MYOCD: variants seen among roughly 807,000 people sequenced by gnomAD.
MYOCD encodes myocardin.
In MYOCD, 32 loss-of-function variants were observed where a neutral mutation model predicts 96.1. The observed-to-expected ratio is 0.33, with a 90% CI of 0.25 to 0.45. The LOEUF is 0.45. Ranked by LOEUF, MYOCD falls within the 20% of genes least tolerant of loss-of-function variation. The pLI is 1.00. For missense variants in MYOCD, 1,133 were observed against 1,200.6 expected (o/e 0.94, Z 0.83); for synonymous variants, 469 against 469.0 (o/e 1.00, Z 0.00).
chr17:12,718,463 C>T (rs1237668597), intron 4 of MYOCD, among the ~76,000 whole-genome samples: 1 of 152,176 alleles, frequency 6.6e-6, no homozygotes, highest in African/African-American at 2.4e-5. Flanking sequence ...GGATTTCCTT[C>T]CAAGACTGAA....
At position 12,739,320 on chromosome 17, in the gene MYOCD, G is replaced by A. The variant is rs2032438985; in HGVS notation, c.709G>A (p.Ala237Thr). The A allele has an allele frequency of 6.3e-7, 1 of 1,596,466 alleles. No individual in the cohort carries two copies. The highest frequency in any genetic ancestry group is 1.8e-5 in the Admixed American group (1 of 55,848). Residue 237 changes from alanine (A) to threonine (T), a missense_variant, in exon 7 of 14, where the codon GCT (alanine) becomes ACT (threonine). Coordinates refer to ENST00000425538, the MANE Select transcript of MYOCD (RefSeq NM_001146312.3). The stretch of plus-strand genomic sequence containing the variant: ...CAGCACCCCCATAGCCGTGCATGCT[G>A]CTGTAAAGGTACGGACACATCAGCC... ...PPSTPIAVHA[A>T]VKSKSLGDSK...
chr17:12,677,106 A>G (rs561825713), intron 1 of MYOCD, among the ~76,000 whole-genome samples: 12 of 152,304 alleles, frequency 7.9e-5, no homozygotes, highest in African/African-American at 1.4e-4. Context: ...TTGCAGGGAC[A>G]TGGTTGGAGC....
In MYOCD at chr17:12,719,174, C is replaced by CAAAAAAAA. The variant is rs71144920; in HGVS notation, c.253+1776_253+1783dup. ...GGGGCCACAGAGGGAGACTCTGTCT[C>CAAAAAAAA]AAAAAAAAAAAAAAAAAAAAAAAAA... On this transcript the variant is annotated intron_variant, in intron 4 of 13. Transcript: ENST00000425538. Among the ~76,000 whole-genome samples, 215 of 49,168 alleles carry CAAAAAAAA rather than the reference C, an allele frequency of 4.4e-3. 34 individuals carry two copies. Among genetic ancestry groups the CAAAAAAAA allele is most frequent in the African/African-American group, 0.021 (175 of 8,296 alleles). 32.3% of individuals were successfully genotyped at this position (49,168 alleles called of 152,430 possible). A position where few individuals can be genotyped will look rare whatever the true frequency, so the allele number is the denominator to read the frequency against.
chr17:12,691,136 A>G (rs993164462), intron 1 of MYOCD, among the ~76,000 whole-genome samples: 1 of 152,176 alleles, frequency 6.6e-6, no homozygotes, highest in African/African-American at 2.4e-5. Context: ...ATTTTCAAAC[A>G]GTAGCTCAAA....
At chr17:12,689,954 T>A (rs1166062297) in intron 1 of MYOCD, among the ~76,000 whole-genome samples, 1 of 152,206 alleles carries the variant, frequency 6.6e-6, no homozygotes, top group East Asian at 1.9e-4. Flanking sequence ...TAAGGACATT[T>A]CAGTGATACA....
intron 1 of MYOCD, among the ~76,000 whole-genome samples, chr17:12,697,359 A>ATATATTTTTTTTTTT (rs1427225443): frequency 1.3e-5 from 1 of 75,738 alleles, no homozygotes; most frequent in African/African-American, 6.0e-5. Flanking sequence ...ATATATATAT[A>ATATATTTTTTTTTTT]TTTTTTTTTT....
chr17:12,758,242 G>A, intron 12 of MYOCD, 29 bp downstream of exon 12: 1 of 1,613,732 alleles, frequency 6.2e-7, no homozygotes, highest in Non-Finnish European at 8.5e-7. Context: ...CTTTATGGAA[G>A]AATAGACTGA....
In MYOCD at chr17:12,765,459, T is replaced by G. The variant is rs370514146; in HGVS notation, c.*1815T>G. On this transcript the variant is annotated 3_prime_UTR_variant, in exon 14 of 14. Coordinates refer to ENST00000425538, the MANE Select transcript of MYOCD (RefSeq NM_001146312.3). ...GTAAAAATGTGTGAACACAGAGAGT[T>G]TTTGGTGATTGCTACTCTGAAAGCT... is the stretch of plus-strand genomic sequence containing the variant. 10 of 152,138 alleles carry G rather than the reference T, an allele frequency of 6.6e-5. 1 individual carries two copies. The East Asian group carries it at 1.2e-3, about 18-fold the overall frequency. 9.4% of individuals were successfully genotyped at this position (152,138 alleles called of 1,614,324 possible). A position where few individuals can be genotyped will look rare whatever the true frequency, so the allele number is the denominator to read the frequency against.
intron 5 of MYOCD, among the ~76,000 whole-genome samples, chr17:12,731,061 T>C (rs1224558496): frequency 6.6e-6 from 1 of 152,170 alleles, no homozygotes; most frequent in Non-Finnish European, 1.5e-5. Context: ...AGCCAGAGGA[T>C]GATGTCAGGG....
intron 1 of MYOCD, among the ~76,000 whole-genome samples, chr17:12,674,466 C>T (rs1161893271): frequency 6.6e-6 from 1 of 151,982 alleles, no homozygotes; most frequent in East Asian, 1.9e-4. Flanking sequence ...ACTTTTTAAA[C>T]TTCAGTTTAT....
chr17:12,739,291 C>T lies in MYOCD; in HGVS notation c.680C>T (p.Pro227Leu). Residue 227 changes from proline (P) to leucine (L), a missense_variant, in exon 7 of 14, where the codon CCC becomes CTC. Transcript: ENST00000425538. Reference protein sequence around the residue: ...QSDAGKQGLGPPSTPIAVHAA... With the variant: ...QSDAGKQGLGLPSTPIAVHAA... ...GATGCGGGGAAGCAGGGGCTTGGCC[C>T]CCCCAGCACCCCCATAGCCGTGCAT... is the stretch of plus-strand genomic sequence containing the variant. 2 of 1,608,382 alleles carry T rather than the reference C, an allele frequency of 1.2e-6. No individual in the cohort carries two copies. Among genetic ancestry groups the T allele is most frequent in the Non-Finnish European group, 1.7e-6 (2 of 1,177,696 alleles).
intron 11 of MYOCD, 138 bp downstream of exon 11, chr17:12,756,695 C>CAAAAAAAAAAAAAAAAAAAAAAAA (rs11307445): frequency 1.5e-4 from 20 of 134,322 alleles, no homozygotes; most frequent in African/African-American, 2.6e-4. Flanking sequence ...GACTGCATCT[C>CAAAAAAAAAAAAAAAAAAAAAAAA]AAAAAAAAAA....
At chr17:12,745,860 T>G in intron 8 of MYOCD, 59 bp from the exon 9 acceptor site, 2 of 1,581,372 alleles carry the variant, frequency 1.3e-6, no homozygotes, top group Non-Finnish European at 1.7e-6. Context: ...CCGATCTAAA[T>G]GCAAGTTATC....
At chr17:12,721,693 G>A (rs2031844921) in intron 4 of MYOCD, among the ~76,000 whole-genome samples, 2 of 152,190 alleles carry the variant, frequency 1.3e-5, no homozygotes, top group Admixed American at 6.5e-5. Context: ...GATGTGGATG[G>A]TGGGAAGCAT....
At position 12,666,018 on chromosome 17, in the gene MYOCD, G is replaced by T; in HGVS notation, c.-171G>T. 1 of 546,398 alleles carries T rather than the reference G, an allele frequency of 1.8e-6. No individual in the cohort carries two copies. The highest frequency in any genetic ancestry group is 3.0e-5 in the East Asian group (1 of 32,856). The allele number at this position is 546,398 out of a possible 1,614,324, so 33.8% of individuals were successfully genotyped here. A position where few individuals can be genotyped will look rare whatever the true frequency, so the allele number is the denominator to read the frequency against. ...AGCCCCGCACGGCGAGGGGGGAGGCGCCAGTTTTCTGGGGACACTGGCTGC... is the reference window on the plus strand; with the variant it reads ...AGCCCCGCACGGCGAGGGGGGAGGCTCCAGTTTTCTGGGGACACTGGCTGC... On this transcript the variant is annotated 5_prime_UTR_variant, in exon 1 of 14. Transcript: ENST00000425538.
chr17:12,742,084 G>T (rs2032529358), intron 7 of MYOCD, among the ~76,000 whole-genome samples: 1 of 152,106 alleles, frequency 6.6e-6, no homozygotes, highest in African/African-American at 2.4e-5. Flanking sequence ...ATCCTCCCCA[G>T]ACAAGGCAAG....
intron 2 of MYOCD, among the ~76,000 whole-genome samples, chr17:12,709,473 A>G (rs2031412018): frequency 6.6e-6 from 1 of 152,230 alleles, no homozygotes; most frequent in Admixed American, 6.5e-5. Context: ...GCACAGAATC[A>G]CTGGAACAAC....
intron 2 of MYOCD, 35 bp downstream of exon 2, chr17:12,705,228 T>C (rs755154841): frequency 1.3e-6 from 2 of 1,492,492 alleles, no homozygotes; most frequent in Non-Finnish European, 1.9e-6. Context: ...CTGATATACA[T>C]AGGGCCACAC....
In MYOCD at chr17:12,683,555, A is replaced by T. The variant is rs533489594; in HGVS notation, c.55+17312A>T. Among the ~76,000 whole-genome samples the T allele has an allele frequency of 6.6e-5, 10 of 152,178 alleles. No individual in the cohort carries two copies. In the South Asian group the frequency reaches 2.1e-3, roughly 32 times the overall value. On this transcript the variant is annotated intron_variant, in intron 1 of 13. Coordinates refer to ENST00000425538, the MANE Select transcript of MYOCD (RefSeq NM_001146312.3). Reference sequence around the variant, plus strand: ...TCTTTCGGGAATGAAAATTACTCACACATACACAGATACACACACATACAC... The same window carrying T: ...TCTTTCGGGAATGAAAATTACTCACTCATACACAGATACACACACATACAC...
Sources: gnomAD v4.1 joint callset for allele counts (sites outside exome capture counted in the v4.1 genomes callset) on GRCh38, gnomAD v4.1.1 for gene constraint, MANE v1.5 for transcripts, NCBI Gene and HGNC (gene_info 2026-07-23, HGNC 2026-07-21) for gene names.